ZNF514: variants seen among roughly 807,000 people sequenced by gnomAD.
ZNF514 encodes zinc finger protein 514.
A neutral mutation model predicts 9.7 loss-of-function variants in ZNF514; 12 were observed. The observed-to-expected ratio is 1.24, with a 90% CI of 0.79 to 2.01. ZNF514 has a LOEUF of 2.01. Ranked by LOEUF, ZNF514 falls within the 30% of genes most tolerant of loss-of-function variation. ZNF514 has a pLI of 0.00. For missense variants in ZNF514, 467 were observed against 465.5 expected (o/e 1.00, Z -0.03); for synonymous variants, 158 against 163.7 (o/e 0.97, Z 0.27).
chr2:95,132,725 G>A, the ZNF514 span, among the ~76,000 whole-genome samples: 10 of 151,828 alleles, frequency 6.6e-5, no homozygotes, highest in East Asian at 1.4e-3. Flanking sequence ...AAAATAAGCC[G>A]GCCGTGGTGG....
chr2:95,131,828 T>C, the ZNF514 span, among the ~76,000 whole-genome samples: 9 of 152,112 alleles, frequency 5.9e-5, no homozygotes, highest in Non-Finnish European at 1.2e-4. Flanking sequence ...AAAACATTTA[T>C]TCAATGAAAG....
chr2:95,150,482 T>C (rs1028035252), intron 4 of ZNF514, among the ~76,000 whole-genome samples: 3 of 151,940 alleles, frequency 2.0e-5, no homozygotes, highest in Non-Finnish European at 4.4e-5. Flanking sequence ...ATTAAGAAAA[T>C]CTGAGAGATA....
intron 4 of ZNF514, among the ~76,000 whole-genome samples, chr2:95,151,345 G>A (rs1171445747): frequency 6.6e-6 from 1 of 152,216 alleles, no homozygotes; most frequent in East Asian, 1.9e-4. Context: ...CAAGTAATCT[G>A]GCAGTCTCTA....
downstream of ZNF514, among the ~76,000 whole-genome samples, chr2:95,143,701 G>C (rs1402417585): frequency 6.6e-6 from 1 of 152,170 alleles, no homozygotes; most frequent in Non-Finnish European, 1.5e-5. Flanking sequence ...TAGATCATTG[G>C]AATTTCCTGA....
chr2:95,128,390 C>CAA, the ZNF514 span, among the ~76,000 whole-genome samples: 29 of 81,248 alleles, frequency 3.6e-4, no homozygotes, highest in Admixed American at 1.7e-3. Context: ...GGCTTCGTCT[C>CAA]AAAAAAAAAA....
At chr2:95,158,879 G>T (rs77501534) in intron 1 of ZNF514, 43,403 of 1,289,750 alleles carry the variant, frequency 0.034, 848 homozygotes, top group Non-Finnish European at 0.04. Flanking sequence ...GGATTCCCCG[G>T]CCTCTTCCTG....
chr2:95,152,575 C>A (rs1326520418), intron 4 of ZNF514, 99 bp downstream of exon 4: 2 of 940,560 alleles, frequency 2.1e-6, no homozygotes, highest in African/African-American at 1.6e-5. Flanking sequence ...GCCAAGTGAT[C>A]TCATCTTCTG....
At chr2:95,125,388 C>T in the ZNF514 span, among the ~76,000 whole-genome samples, 5 of 151,460 alleles carry the variant, frequency 3.3e-5, no homozygotes, top group Non-Finnish European at 1.5e-5. Flanking sequence ...CTACAGGCGC[C>T]CACCACCATG....
chr2:95,152,555 G>T, intron 4 of ZNF514, 119 bp downstream of exon 4: 1 of 768,062 alleles, frequency 1.3e-6, no homozygotes, highest in Non-Finnish European at 2.2e-6. Flanking sequence ...TACCAGAGTT[G>T]AGGGCTCCTG....
chr2:95,158,369 A>C (rs1284551534), intron 1 of ZNF514, among the ~76,000 whole-genome samples: 4 of 152,216 alleles, frequency 2.6e-5, no homozygotes, highest in Non-Finnish European at 5.9e-5. Flanking sequence ...GCACTGAAGG[A>C]TGAACAGTCG....
intron 1 of ZNF514, 66 bp from the exon 2 acceptor site, chr2:95,157,505 C>G: frequency 3.3e-6 from 3 of 922,362 alleles, no homozygotes; most frequent in Non-Finnish European, 4.6e-6. Flanking sequence ...TCAGACTTCC[C>G]AAGCCTGAGA....
At position 95,158,906 on chromosome 2, in the gene ZNF514, G is replaced by A. The variant is rs565540282; in HGVS notation, c.-96+334C>T. 2.3e-4 allele frequency: 294 copies of A among 1,289,766 alleles called. No homozygotes were observed. In the African/African-American group the frequency reaches 4.1e-3, roughly 18 times the overall value. 79.9% of individuals were successfully genotyped at this position (1,289,766 alleles called of 1,614,324 possible). ...CTCTTCCTGGGGTCCTCCTGATATCGGGCTCGGTACTAGCTCCCCAAGAGG... is the reference window on the plus strand; with the variant it reads ...CTCTTCCTGGGGTCCTCCTGATATCAGGCTCGGTACTAGCTCCCCAAGAGG... On this transcript the variant is annotated intron_variant, in intron 1 of 4. Coordinates refer to ENST00000295208, the MANE Select transcript of ZNF514 (RefSeq NM_032788.3).
the ZNF514 span, among the ~76,000 whole-genome samples, chr2:95,128,558 GAAA>G: frequency 6.6e-6 from 1 of 151,466 alleles, no homozygotes. Context: ...TCCGTCTCAA[GAAA>G]AAGAAGAAAG....
the ZNF514 span, among the ~76,000 whole-genome samples, chr2:95,127,366 C>A: frequency 1.3e-5 from 2 of 152,174 alleles, no homozygotes; most frequent in African/African-American, 4.8e-5. Context: ...AGTAAGACTT[C>A]AGTAGGTTCT....
Position 95,147,454 on chromosome 2 carries a change from A to G in ZNF514, c.*1828T>C, listed in dbSNP as rs535528887. 2 of 152,316 alleles carry G rather than the reference A, an allele frequency of 1.3e-5. No individual in the cohort carries two copies. Among genetic ancestry groups the G allele is most frequent in the Admixed American group, 1.3e-4 (2 of 15,290 alleles). The allele number at this position is 152,316 out of a possible 1,614,324, so 9.4% of individuals were successfully genotyped here. ...AACCATCACCACCATCTAGTTTTAG[A>G]ACATTTTCGTCACCCTAAAAAGATT... On this transcript the variant is annotated 3_prime_UTR_variant, in exon 5 of 5. Coordinates refer to ENST00000295208, the MANE Select transcript of ZNF514 (RefSeq NM_032788.3).
chr2:95,129,655 T>C, the ZNF514 span, among the ~76,000 whole-genome samples: 2 of 152,056 alleles, frequency 1.3e-5, no homozygotes, highest in African/African-American at 4.8e-5. Context: ...CTCAGTTCAT[T>C]CATTGGACAG....
chr2:95,158,356 T>C (rs1261937755), intron 1 of ZNF514, among the ~76,000 whole-genome samples: 1 of 152,204 alleles, frequency 6.6e-6, no homozygotes, highest in Non-Finnish European at 1.5e-5. Flanking sequence ...TCCTTGAGCA[T>C]GTGCACTGAA....
At chr2:95,158,714 T>G in intron 1 of ZNF514, 4 of 889,750 alleles carry the variant, frequency 4.5e-6, no homozygotes, top group South Asian at 1.8e-5. Flanking sequence ...CCTCTGGCCA[T>G]TGGGACAATT....
At chr2:95,127,503 A>C in the ZNF514 span, among the ~76,000 whole-genome samples, 2 of 152,208 alleles carry the variant, frequency 1.3e-5, no homozygotes, top group Non-Finnish European at 2.9e-5. Flanking sequence ...TTCAGTGATT[A>C]AGTGCCACCA....
Sources: gnomAD v4.1 joint callset for allele counts (sites outside exome capture counted in the v4.1 genomes callset) on GRCh38, gnomAD v4.1.1 for gene constraint, MANE v1.5 for transcripts, NCBI Gene and HGNC (gene_info 2026-07-23, HGNC 2026-07-21) for gene names.